LTAP1: variants seen among roughly 807,000 people sequenced by gnomAD.
LTAP1 encodes the protein lipid transport auxiliary protein 1.
At chr1:154,212,315 C>T in the LTAP1 span, 1 of 1,614,180 alleles carries the variant, frequency 6.2e-7, no homozygotes, top group Non-Finnish European at 8.5e-7. Flanking sequence ...CCCCTCCAAA[C>T]TCACGCAGTG....
the LTAP1 span, chr1:154,213,978 C>A: frequency 6.2e-7 from 1 of 1,600,538 alleles, no homozygotes; most frequent in Non-Finnish European, 8.5e-7. Flanking sequence ...TTAGGCATAA[C>A]CCTAAAAATA....
chr1:154,210,309 G>C, the LTAP1 span, among the ~76,000 whole-genome samples: 1 of 152,190 alleles, frequency 6.6e-6, no homozygotes, highest in Non-Finnish European at 1.5e-5. Context: ...AAAGTGCTGG[G>C]ATTATAGACG....
chr1:154,212,804 G>A, the LTAP1 span: 18 of 617,816 alleles, frequency 2.9e-5, 1 homozygote, highest in East Asian at 5.0e-4. Context: ...TGGGATTACA[G>A]ATGTGCACCA....
At chr1:154,215,877 G>A in the LTAP1 span, among the ~76,000 whole-genome samples, 71 of 142,812 alleles carry the variant, frequency 5.0e-4, no homozygotes, top group Middle Eastern at 7.6e-3. Flanking sequence ...TCGCTCTGTC[G>A]CCCAGGCTGG....
At chr1:154,207,669 G>A in the LTAP1 span, 1 of 1,567,224 alleles carries the variant, frequency 6.4e-7, no homozygotes, top group Non-Finnish European at 8.6e-7. Context: ...GAGAGGGGAG[G>A]TCATTGACAG....
At chr1:154,220,142 T>C in the LTAP1 span, 1 of 743,560 alleles carries the variant, frequency 1.3e-6, no homozygotes, top group Non-Finnish European at 2.2e-6. Context: ...TGCTCTAGCG[T>C]TAAAGGGAGG....
chr1:154,213,696 A>G, the LTAP1 span, among the ~76,000 whole-genome samples: 1 of 152,210 alleles, frequency 6.6e-6, no homozygotes, highest in East Asian at 1.9e-4. Flanking sequence ...CAAAACACCC[A>G]GACTCTTTGG....
the LTAP1 span, chr1:154,212,367 C>G: frequency 1.9e-6 from 3 of 1,614,170 alleles, no homozygotes; most frequent in Admixed American, 5.0e-5. Context: ...GGTACTCATT[C>G]TGGCCAAAGA....
At chr1:154,214,072 G>A in the LTAP1 span, 1 of 774,872 alleles carries the variant, frequency 1.3e-6, no homozygotes, top group Non-Finnish European at 2.1e-6. Context: ...GAGGTCAGGA[G>A]TTTGAGACCA....
chr1:154,217,736 G>A, the LTAP1 span, among the ~76,000 whole-genome samples: 2 of 151,832 alleles, frequency 1.3e-5, no homozygotes, highest in African/African-American at 4.8e-5. Context: ...TCGAACTCCT[G>A]ACCTCAAGTG....
the LTAP1 span, among the ~76,000 whole-genome samples, chr1:154,219,558 G>C: frequency 3.9e-5 from 6 of 152,138 alleles, no homozygotes; most frequent in African/African-American, 1.4e-4. Flanking sequence ...AGATGAGCTG[G>C]GAAATATTTT....
the LTAP1 span, chr1:154,212,621 A>T: frequency 6.2e-7 from 1 of 1,613,820 alleles, no homozygotes; most frequent in Non-Finnish European, 8.5e-7. Context: ...ATGAAATGGG[A>T]TCTCTGTGGA....
the LTAP1 span, chr1:154,219,765 G>T: frequency 1.8e-6 from 2 of 1,115,966 alleles, no homozygotes; most frequent in Non-Finnish European, 2.6e-6. Flanking sequence ...ATCACTAAAG[G>T]CAGAGGAAAT....
chr1:154,217,148 C>T, the LTAP1 span, among the ~76,000 whole-genome samples: 3 of 150,998 alleles, frequency 2.0e-5, no homozygotes, highest in Non-Finnish European at 4.4e-5. Context: ...GGGGTTTCAC[C>T]GTGTTGGCCA....
chr1:154,210,935 T>C, the LTAP1 span, among the ~76,000 whole-genome samples: 2 of 152,198 alleles, frequency 1.3e-5, no homozygotes, highest in Non-Finnish European at 2.9e-5. Context: ...GCTGACTCTA[T>C]AGCGATGGCC....
chr1:154,220,181 C>T, the LTAP1 span: 1 of 940,490 alleles, frequency 1.1e-6, no homozygotes, highest in South Asian at 1.5e-5. Flanking sequence ...CGGGTCGGCC[C>T]GACTAAGTGA....
the LTAP1 span, chr1:154,212,286 C>G: frequency 6.2e-7 from 1 of 1,611,742 alleles, no homozygotes; most frequent in Middle Eastern, 1.7e-4. Flanking sequence ...ACTACTGTAC[C>G]AGCTCCCTCT....
At chr1:154,210,602 T>C in the LTAP1 span, among the ~76,000 whole-genome samples, 5 of 152,110 alleles carry the variant, frequency 3.3e-5, no homozygotes, top group African/African-American at 1.2e-4. Flanking sequence ...CTCACCTTCC[T>C]GAGTGGCTGG....
the LTAP1 span, chr1:154,220,486 G>A: frequency 6.5e-7 from 1 of 1,539,432 alleles, no homozygotes; most frequent in East Asian, 2.2e-5. Context: ...CCGAAGCGAC[G>A]GCGCCTGGGT....
Sources: gnomAD v4.1 joint callset for allele counts (sites outside exome capture counted in the v4.1 genomes callset) on GRCh38, gnomAD v4.1.1 for gene constraint, MANE v1.5 for transcripts, NCBI Gene and HGNC (gene_info 2026-07-23, HGNC 2026-07-21) for gene names.